The following FAM124B variants were observed in gnomAD, a reference collection of about 807,000 sequenced individuals.
The protein encoded by FAM124B is family with sequence similarity 124 member B.
FAM124B carries 18 observed loss-of-function variants against 19.7 expected under a neutral mutation model. The ratio of observed to expected loss-of-function variants is 0.92; its 90% CI spans 0.63 to 1.36. The LOEUF is 1.36. Ranked by LOEUF, FAM124B falls within the 40% of genes most tolerant of loss-of-function variation. The pLI is 0.00. For synonymous variants in FAM124B, 223 were observed against 225.2 expected, an observed-to-expected ratio of 0.99 and a Z score of 0.09; for missense variants, 540 against 553.3, an observed-to-expected ratio of 0.98 and a Z score of 0.24.
chr2:224,390,711 TG>T (rs56280710), intron 1 of FAM124B, among the ~76,000 whole-genome samples: 27,901 of 145,368 alleles, frequency 0.19, 2,842 homozygotes, highest in South Asian at 0.23. Flanking sequence ...TTTGTTTGTT[TG>T]TTTTTTAAGA....
At chr2:224,380,830 A>G (rs7564132) in intron 1 of FAM124B, among the ~76,000 whole-genome samples, 21,236 of 152,196 alleles carry the variant, frequency 0.14, 1,568 homozygotes, top group East Asian at 0.24. Context: ...AAAAGGGGGC[A>G]TGGCTTATAT....
At chr2:224,393,068 A>T (rs1428691648) in intron 1 of FAM124B, among the ~76,000 whole-genome samples, 3 of 152,252 alleles carry the variant, frequency 2.0e-5, no homozygotes, top group Non-Finnish European at 4.4e-5. Flanking sequence ...AGGACAGTGC[A>T]TTCGTCTAGA....
intron 1 of FAM124B, among the ~76,000 whole-genome samples, chr2:224,397,264 A>C (rs926085014): frequency 6.6e-6 from 1 of 152,136 alleles, no homozygotes; most frequent in Admixed American, 6.6e-5. Context: ...AGTTCTCTGC[A>C]CAAGCCCTCT....
rs776166992 is a variant in FAM124B, at chr2:224,401,342, AC to A, written c.426del (p.Tyr143ThrfsTer16). 1 of 1,614,036 alleles carries A rather than the reference AC, an allele frequency of 6.2e-7. No individual in the cohort carries two copies. The highest frequency in any genetic ancestry group is 1.1e-5 in the South Asian group (1 of 91,066). ...HCGSEILRVT[L>X]YCSFDNYEDA... is the part of the protein sequence containing the mutation. ...TCTTCATAGTTATCAAAACTGCAGTACAGCGTCACCCTCAGGATCTCGGAGC... is the reference window on the plus strand; with the variant it reads ...TCTTCATAGTTATCAAAACTGCAGTAAGCGTCACCCTCAGGATCTCGGAGC... On this transcript the variant is annotated frameshift_variant, in exon 1 of 2. Transcript: ENST00000409685. LOFTEE classifies it high-confidence loss of function.
At chr2:224,391,041 C>G (rs1689879128) in intron 1 of FAM124B, among the ~76,000 whole-genome samples, 1 of 149,442 alleles carries the variant, frequency 6.7e-6, no homozygotes, top group South Asian at 2.2e-4. Flanking sequence ...AAAAGAGTCT[C>G]TAATGAAAAA....
chr2:224,390,708 G>T (rs112316395), intron 1 of FAM124B, among the ~76,000 whole-genome samples: 20,229 of 96,114 alleles, frequency 0.21, 1,644 homozygotes, highest in East Asian at 0.37. Flanking sequence ...TTTTTTGTTT[G>T]TTTGTTTTTT....
chr2:224,395,111 C>T (rs1187224424), intron 1 of FAM124B, among the ~76,000 whole-genome samples: 1 of 152,126 alleles, frequency 6.6e-6, no homozygotes, highest in Non-Finnish European at 1.5e-5. Flanking sequence ...ATCACCAATG[C>T]TAACTCAGTG....
At chr2:224,389,479 G>C (rs940793781) in intron 1 of FAM124B, among the ~76,000 whole-genome samples, 6 of 152,200 alleles carry the variant, frequency 3.9e-5, no homozygotes, top group African/African-American at 1.4e-4. Context: ...AGGAAGGCAG[G>C]AAGCAGAAAT....
At chr2:224,381,898 ACAAGG>A (rs1689724795) in intron 1 of FAM124B, among the ~76,000 whole-genome samples, 2 of 152,240 alleles carry the variant, frequency 1.3e-5, no homozygotes, top group South Asian at 4.1e-4. Context: ...TATTTATCTT[ACAAGG>A]CAAGAAGGCA....
chr2:224,401,800 G>A lies in FAM124B; in HGVS notation c.-32C>T, dbSNP rs572470139. The A allele has an allele frequency of 1.9e-6, 3 of 1,587,614 alleles. No individual in the cohort carries two copies. The highest frequency in any genetic ancestry group is 2.6e-6 in the Non-Finnish European group (3 of 1,166,452). ...ACTGCCTGAGGCTGACAAAGACAGC[G>A]TGTGTAGAAGGCCCACTGTTCAAGT... On this transcript the variant is annotated 5_prime_UTR_variant, in exon 1 of 2. It adds an upstream start codon to the 5' untranslated region. Transcript: ENST00000409685.
At chr2:224,396,293 C>T (rs2106087390) in intron 1 of FAM124B, among the ~76,000 whole-genome samples, 1 of 152,272 alleles carries the variant, frequency 6.6e-6, no homozygotes, top group East Asian at 1.9e-4. Context: ...ACACCAACAT[C>T]GTCACCCACG....
chr2:224,395,168 T>C (rs1225134343), intron 1 of FAM124B, among the ~76,000 whole-genome samples: 1 of 152,128 alleles, frequency 6.6e-6, no homozygotes, highest in Non-Finnish European at 1.5e-5. Context: ...AGTCATGGAC[T>C]CTACCCTTGG....
intron 1 of FAM124B, chr2:224,400,409 G>A (rs1378185294): frequency 1.4e-6 from 1 of 692,992 alleles, no homozygotes; most frequent in Non-Finnish European, 2.6e-6. Flanking sequence ...AGGAGGCTAA[G>A]GCAGGAGGAT....
chr2:224,387,729 G>A (rs1559309001), intron 1 of FAM124B, among the ~76,000 whole-genome samples: 1 of 152,050 alleles, frequency 6.6e-6, no homozygotes. Flanking sequence ...TGATGGGGGT[G>A]GAGCTGGAGA....
chr2:224,397,661 T>C (rs1689995134), intron 1 of FAM124B, among the ~76,000 whole-genome samples: 1 of 152,130 alleles, frequency 6.6e-6, no homozygotes, highest in Non-Finnish European at 1.5e-5. Context: ...GCTGAGGTGG[T>C]CTTAGATGGA....
rs972787729 is a variant in FAM124B, at chr2:224,379,778, G to T, written c.1163C>A (p.Thr388Asn). 1.9e-6 allele frequency: 3 copies of T among 1,551,550 alleles called. No individual in the cohort carries two copies. The highest frequency in any genetic ancestry group is 3.9e-5 in the Admixed American group (2 of 50,984). ...YFGGFPRDLQTSQPPFCLPAS... is the reference protein window; with the variant it reads ...YFGGFPRDLQNSQPPFCLPAS... Reference sequence around the variant, plus strand: ...TGGCAAGCAGAATGGTGGCTGGCTGGTCTGTAAATCCCTTGGAAATCCGCC... The same window carrying T: ...TGGCAAGCAGAATGGTGGCTGGCTGTTCTGTAAATCCCTTGGAAATCCGCC... Residue 388 changes from threonine to asparagine, a missense_variant, in exon 2 of 2, where the codon ACC (threonine) becomes AAC (asparagine). Transcript: ENST00000409685.
Position 224,387,513 on chromosome 2 carries a change from C to T in FAM124B, c.733-7305G>A, listed in dbSNP as rs528857429. Among the ~76,000 whole-genome samples the T allele has an allele frequency of 4.3e-4, 66 of 152,298 alleles. 1 individual carries two copies. The Middle Eastern group carries it at 0.01, about 24-fold the overall frequency. On this transcript the variant is annotated intron_variant, in intron 1 of 1. Coordinates refer to ENST00000409685, the MANE Select transcript of FAM124B (RefSeq NM_001122779.2). ...AATAATAAGAAACCTCTAAACAGTG[C>T]CAGGCTCACTTAAGAGTTGAAACCA...
At position 224,401,829 on chromosome 2, in the gene FAM124B, T is replaced by C; in HGVS notation, c.-61A>G. 6.5e-7 allele frequency: 1 copy of C among 1,539,194 alleles called. No individual in the cohort carries two copies. Among genetic ancestry groups the C allele is most frequent in the Non-Finnish European group, 8.7e-7 (1 of 1,144,934 alleles). ...GTAGAAGGCCCACTGTTCAAGTTTC[T>C]GAAATGAATGAAGAAGCGGCCCAGC... On this transcript the variant is annotated 5_prime_UTR_variant, in exon 1 of 2. Transcript: ENST00000409685.
chr2:224,379,399 T>C lies in FAM124B; in HGVS notation c.*174A>G, dbSNP rs16865904. 0.13 allele frequency: 125,009 copies of C among 930,352 alleles called. 9,147 individuals carry two copies. The highest frequency in any genetic ancestry group is 0.24 in the East Asian group (8,355 of 35,344). The allele number at this position is 930,352 out of a possible 1,614,324, so 57.6% of individuals were successfully genotyped here. A position where few individuals can be genotyped will look rare whatever the true frequency, so the allele number is the denominator to read the frequency against. On this transcript the variant is annotated 3_prime_UTR_variant, in exon 2 of 2. Transcript: ENST00000409685. ...TATGACTGTGACGGCAAATAAACAATCATTCCCAGCACCTTTAGACTTTGA... is the reference window on the plus strand; with the variant it reads ...TATGACTGTGACGGCAAATAAACAACCATTCCCAGCACCTTTAGACTTTGA...
Sources: allele counts gnomAD v4.1 joint callset (sites outside exome capture counted in the v4.1 genomes callset), GRCh38; gene constraint gnomAD v4.1.1; transcripts MANE v1.5; gene names NCBI Gene and HGNC (gene_info 2026-07-23, HGNC 2026-07-21).